EPHA6: variants seen among roughly 807,000 people sequenced by gnomAD.
The protein encoded by EPHA6 is EPH receptor A6, also known as ephrin type-A receptor 6.
A neutral mutation model predicts 112.0 loss-of-function variants in EPHA6; 50 were observed. That is an observed-to-expected ratio of 0.45 (90% CI 0.36 to 0.56). EPHA6 has a LOEUF of 0.56. EPHA6 is among the 20% of genes least tolerant of loss of function. The probability of loss-of-function intolerance (pLI) is 0.00; values close to 1 mark genes in which losing one functional copy is unlikely to be tolerated. For synonymous variants in EPHA6, 529 were observed against 490.7 expected (o/e 1.08, Z -1.03); for missense variants, 1,280 against 1,417.4 (o/e 0.90, Z 1.56).
At chr3:97,679,073 T>C (rs1289942958) in intron 14 of EPHA6, among the ~76,000 whole-genome samples, 1 of 152,202 alleles carries the variant, frequency 6.6e-6, no homozygotes, top group Non-Finnish European at 1.5e-5. Flanking sequence ...TTAGTCAAAA[T>C]AATTCTGCTT....
At chr3:97,268,553 T>A (rs967642087) in intron 5 of EPHA6, among the ~76,000 whole-genome samples, 12 of 152,168 alleles carry the variant, frequency 7.9e-5, no homozygotes, top group African/African-American at 2.9e-4. Context: ...ATACCAAAAG[T>A]TTAGGAATGG....
At position 96,903,453 on chromosome 3, in the gene EPHA6, G is replaced by A. The variant is rs558534342; in HGVS notation, c.450+36564G>A. Among the ~76,000 whole-genome samples, 3 of 152,122 alleles carry A rather than the reference G, an allele frequency of 2.0e-5. No individual in the cohort carries two copies. In the South Asian group the frequency reaches 6.2e-4, roughly 32 times the overall value. The stretch of plus-strand genomic sequence containing the variant: ...ATTTTTATATTAACAAACAAAATGG[G>A]GAATGGGGTAGTTGATGTTAATTTA... On this transcript the variant is annotated intron_variant, in intron 2 of 17. Transcript: ENST00000389672.
intron 11 of EPHA6, among the ~76,000 whole-genome samples, chr3:97,556,700 T>C (rs1045960216): frequency 6.6e-6 from 1 of 152,122 alleles, no homozygotes; most frequent in Non-Finnish European, 1.5e-5. Flanking sequence ...TGTGTCTTAC[T>C]ATACAGGTTC....
rs768247612 is a variant in EPHA6, at chr3:97,405,307, C to CAT, written c.1731+40_1731+41dup. 8.9e-6 allele frequency: 13 copies of CAT among 1,466,816 alleles called. No homozygotes were observed. The African/African-American group carries it at 1.4e-4, about 16-fold the overall frequency. The allele number at this position is 1,466,816 out of a possible 1,614,324, so 90.9% of individuals were successfully genotyped here. Reference sequence around the variant, plus strand: ...TTATTTGGAGCTTCCTATAAAACTACATATATATGCATATATATGTATATA... The same window carrying CAT: ...TTATTTGGAGCTTCCTATAAAACTACATATATATATGCATATATATGTATATA... On this transcript the variant is annotated intron_variant, in intron 6 of 17. Coordinates refer to ENST00000389672, the MANE Select transcript of EPHA6 (RefSeq NM_001080448.3).
chr3:97,676,074 G>C (rs142973805), intron 14 of EPHA6, among the ~76,000 whole-genome samples: 1 of 152,252 alleles, frequency 6.6e-6, no homozygotes, highest in African/African-American at 2.4e-5. Context: ...GATGTGCCAA[G>C]TGAAAATATT....
At chr3:96,931,018 A>AAAAAGAAAG (rs796531853) in intron 2 of EPHA6, among the ~76,000 whole-genome samples, 1 of 84,562 alleles carries the variant, frequency 1.2e-5, no homozygotes. Context: ...AAAAAAAAAA[A>AAAAAGAAAG]AAAGAAAAGC....
At chr3:96,975,471 T>C (rs190509861) in intron 2 of EPHA6, among the ~76,000 whole-genome samples, 1 of 152,346 alleles carries the variant, frequency 6.6e-6, no homozygotes, top group Admixed American at 6.5e-5. Flanking sequence ...TCTTGGGTAT[T>C]GGATTCCTTA....
chr3:97,243,910 G>T (rs569601978), intron 4 of EPHA6, 42 bp from the exon 5 acceptor site: 856 of 1,422,620 alleles, frequency 6.0e-4, no homozygotes, highest in Non-Finnish European at 7.9e-4. Flanking sequence ...ATAATTCATT[G>T]TCCTATATAT....
At chr3:97,084,671 TA>T (rs1246430467) in intron 3 of EPHA6, among the ~76,000 whole-genome samples, 1 of 151,904 alleles carries the variant, frequency 6.6e-6, no homozygotes. Context: ...AAGAGTAAAA[TA>T]CCTAGAAATA....
intron 1 of EPHA6, among the ~76,000 whole-genome samples, chr3:96,822,447 C>G (rs2033334325): frequency 6.6e-6 from 1 of 151,758 alleles, no homozygotes; most frequent in Admixed American, 6.6e-5. Context: ...AGTCCTCCAG[C>G]TTTTGGCCTA....
chr3:97,727,508 C>T (rs529539874), intron 15 of EPHA6, among the ~76,000 whole-genome samples: 1 of 152,104 alleles, frequency 6.6e-6, no homozygotes, highest in South Asian at 2.1e-4. Flanking sequence ...TGAAATGCAG[C>T]ATGATTTTAT....
At chr3:97,092,377 C>A (rs2047099525) in intron 3 of EPHA6, among the ~76,000 whole-genome samples, 1 of 151,964 alleles carries the variant, frequency 6.6e-6, no homozygotes, top group Non-Finnish European at 1.5e-5. Context: ...AGTTTTAGTC[C>A]TGTCAGTGTA....
chr3:97,301,142 T>C (rs1293127954), intron 5 of EPHA6, among the ~76,000 whole-genome samples: 1 of 152,118 alleles, frequency 6.6e-6, no homozygotes, highest in Non-Finnish European at 1.5e-5. Context: ...TCCCATTACT[T>C]TGAGGTTATC....
intron 3 of EPHA6, among the ~76,000 whole-genome samples, chr3:97,171,319 T>C (rs1465383145): frequency 1.3e-5 from 2 of 152,138 alleles, no homozygotes; most frequent in African/African-American, 4.8e-5. Context: ...GAGAAGAAGA[T>C]AAAGCTTAAA....
rs2077746752 is a variant in EPHA6 at position 97,207,548 on chromosome 3, G to A, written c.1115-18716G>A. Among the ~76,000 whole-genome samples, 2 of 152,130 alleles carry A rather than the reference G, an allele frequency of 1.3e-5. 1 individual carries two copies. The highest frequency in any genetic ancestry group is 4.1e-4 in the South Asian group (2 of 4,830). ...TATTTTAGCTCAGTGACTATAATAT[G>A]TTCCAATTTATGGAAATTTGATATG... On this transcript the variant is annotated intron_variant, in intron 3 of 17. Coordinates refer to ENST00000389672, the MANE Select transcript of EPHA6 (RefSeq NM_001080448.3).
At chr3:97,744,213 AT>A (rs1333100387) in intron 16 of EPHA6, among the ~76,000 whole-genome samples, 1 of 151,964 alleles carries the variant, frequency 6.6e-6, no homozygotes, top group Non-Finnish European at 1.5e-5. Flanking sequence ...TACAATAAGT[AT>A]TTTTTAAAAT....
At chr3:97,508,984 C>CCTTTTT (rs2092312577) in intron 10 of EPHA6, among the ~76,000 whole-genome samples, 1 of 22,312 alleles carries the variant, frequency 4.5e-5, no homozygotes, top group African/African-American at 1.5e-4. Flanking sequence ...GCATCCCTGG[C>CCTTTTT]TTTTTTTTTT....
At chr3:97,340,548 G>T (rs1177744403) in intron 5 of EPHA6, among the ~76,000 whole-genome samples, 1 of 152,160 alleles carries the variant, frequency 6.6e-6, no homozygotes, top group African/African-American at 2.4e-5. Context: ...CTGAGAAAGG[G>T]ATAGTGGGTG....
chr3:97,114,996 C>A (rs1429683000), intron 3 of EPHA6, among the ~76,000 whole-genome samples: 1 of 151,764 alleles, frequency 6.6e-6, no homozygotes, highest in East Asian at 1.9e-4. Flanking sequence ...GATAGACAAG[C>A]CTGATTTTGT....
Sources: allele counts gnomAD v4.1 joint callset (sites outside exome capture counted in the v4.1 genomes callset), GRCh38; gene constraint gnomAD v4.1.1; transcripts MANE v1.5; gene names NCBI Gene and HGNC (gene_info 2026-07-23, HGNC 2026-07-21).